SDK1: variants seen among roughly 807,000 people sequenced by gnomAD.
SDK1 encodes sidekick cell adhesion molecule 1.
In SDK1, 157 loss-of-function variants were observed where a neutral mutation model predicts 245.5. That is an observed-to-expected ratio of 0.64 (90% CI 0.56 to 0.73). The LOEUF (loss-of-function observed/expected upper bound fraction) is 0.73, where lower values mean the gene tolerates loss of function less well. SDK1 is among the 30% of genes least tolerant of loss of function. The pLI is 0.00. For missense variants in SDK1, 3,583 were observed against 3,002.3 expected (o/e 1.19, Z -4.52); for synonymous variants, 1,647 against 1,278.5 (o/e 1.29, Z -6.15).
chr7:4,094,476 G>A (rs1321431218), intron 22 of SDK1, among the ~76,000 whole-genome samples: 1 of 152,160 alleles, frequency 6.6e-6, no homozygotes, highest in African/African-American at 2.4e-5. Flanking sequence ...GCTGACATTC[G>A]CTGTGGTCCA....
At chr7:3,412,105 G>C (rs183096340) in intron 1 of SDK1, among the ~76,000 whole-genome samples, 23 of 152,266 alleles carry the variant, frequency 1.5e-4, no homozygotes, top group African/African-American at 3.4e-4. Context: ...CAATTTAGCT[G>C]AAACATTTGA....
chr7:3,475,480 G>A (rs568374703), intron 1 of SDK1, among the ~76,000 whole-genome samples: 6 of 152,280 alleles, frequency 3.9e-5, no homozygotes, highest in South Asian at 4.1e-4. Flanking sequence ...ACTTGATTTC[G>A]CAAAAATCAA....
intron 1 of SDK1, among the ~76,000 whole-genome samples, chr7:3,363,310 T>G (rs1003546669): frequency 2.0e-5 from 3 of 151,096 alleles, no homozygotes; most frequent in Non-Finnish European, 4.4e-5. Context: ...TTCATTTCTT[T>G]TTTATTAAGT....
In SDK1 at chr7:3,826,423, G is replaced by T. The variant is rs150277383; in HGVS notation, c.847+4840G>T. Among the ~76,000 whole-genome samples, 39 of 152,206 alleles carry T rather than the reference G, an allele frequency of 2.6e-4. No individual in the cohort carries two copies. The East Asian group carries it at 6.4e-3, about 25-fold the overall frequency. Reference sequence around the variant, plus strand: ...TTTGGAAAAATTCTTATGACATCTGGTTACAGATAATTGTTTCTTCTTGGC... The same window carrying T: ...TTTGGAAAAATTCTTATGACATCTGTTTACAGATAATTGTTTCTTCTTGGC... On this transcript the variant is annotated intron_variant, in intron 5 of 44. Coordinates refer to ENST00000404826, the MANE Select transcript of SDK1 (RefSeq NM_152744.4).
intron 1 of SDK1, among the ~76,000 whole-genome samples, chr7:3,393,102 C>A (rs895970629): frequency 6.7e-6 from 1 of 150,344 alleles, no homozygotes; most frequent in African/African-American, 2.5e-5. Flanking sequence ...TCCTGAGTAG[C>A]TGAGATTACA....
At chr7:3,314,168 A>G (rs1471875259) in intron 1 of SDK1, among the ~76,000 whole-genome samples, 1 of 151,874 alleles carries the variant, frequency 6.6e-6, no homozygotes, top group East Asian at 1.9e-4. Context: ...GCAGGGATAC[A>G]TATAGGCAAG....
In SDK1 at chr7:3,698,526, G is replaced by A. The variant is rs540642606; in HGVS notation, c.713+56421G>A. On this transcript the variant is annotated intron_variant, in intron 4 of 44. Transcript: ENST00000404826. The stretch of plus-strand genomic sequence containing the variant: ...CTCCTCACTCAGAGCGTCAGTGGAG[G>A]CGTATAAGGAGCAGTCACAGAACCC... Among the ~76,000 whole-genome samples, 11 of 152,270 alleles carry A rather than the reference G, an allele frequency of 7.2e-5. 1 individual carries two copies. Among genetic ancestry groups the A allele is most frequent in the East Asian group, 3.9e-4 (2 of 5,168 alleles).
At chr7:3,508,729 G>A (rs894401947) in intron 1 of SDK1, among the ~76,000 whole-genome samples, 42 of 152,008 alleles carry the variant, frequency 2.8e-4, no homozygotes, top group Non-Finnish European at 1.5e-4. Context: ...TTGACACTTC[G>A]AACCCTAGTA....
chr7:4,048,553 C>A (rs1242876801), intron 17 of SDK1, among the ~76,000 whole-genome samples: 1 of 151,614 alleles, frequency 6.6e-6, no homozygotes, highest in East Asian at 2.0e-4. Flanking sequence ...TTTGCCTTTT[C>A]CCATGGCTCT....
chr7:3,730,086 C>A (rs945070972), intron 4 of SDK1, among the ~76,000 whole-genome samples: 1 of 152,086 alleles, frequency 6.6e-6, no homozygotes, highest in Non-Finnish European at 1.5e-5. Context: ...TGGCCCCTAG[C>A]AGGAAATATT....
chr7:3,964,827 G>A (rs1781974464), intron 9 of SDK1, among the ~76,000 whole-genome samples: 1 of 152,200 alleles, frequency 6.6e-6, no homozygotes, highest in South Asian at 2.1e-4. Context: ...CTGACCAGGT[G>A]TGTAGCAAGC....
At chr7:3,997,514 G>A (rs369160639) in intron 14 of SDK1, among the ~76,000 whole-genome samples, 6 of 151,954 alleles carry the variant, frequency 3.9e-5, no homozygotes, top group Admixed American at 2.6e-4. Context: ...GCGGCTGGTC[G>A]TCCCAGCATC....
At chr7:3,786,004 T>C (rs1450097898) in intron 4 of SDK1, among the ~76,000 whole-genome samples, 1 of 152,234 alleles carries the variant, frequency 6.6e-6, no homozygotes, top group Non-Finnish European at 1.5e-5. Flanking sequence ...GGATTTGTCA[T>C]ATAATGCAGT....
At chr7:3,485,927 T>G (rs1047431815) in intron 1 of SDK1, among the ~76,000 whole-genome samples, 1 of 151,934 alleles carries the variant, frequency 6.6e-6, no homozygotes, top group African/African-American at 2.4e-5. Context: ...TTTTTGAAGA[T>G]TTGAAAAACT....
chr7:3,413,090 CTGGTTA>C (rs1464797617), intron 1 of SDK1, among the ~76,000 whole-genome samples: 1 of 152,040 alleles, frequency 6.6e-6, no homozygotes, highest in East Asian at 1.9e-4. Context: ...AAGGAGTATA[CTGGTTA>C]TGGAAGGCCC....
At chr7:3,983,671 G>C (rs1783594192) in intron 13 of SDK1, among the ~76,000 whole-genome samples, 2 of 152,178 alleles carry the variant, frequency 1.3e-5, no homozygotes, top group African/African-American at 4.8e-5. Flanking sequence ...TCTGAGACAT[G>C]CCTCTCTATC....
chr7:3,491,260 GTTGTA>G (rs1376663830), intron 1 of SDK1, among the ~76,000 whole-genome samples: 1 of 152,214 alleles, frequency 6.6e-6, no homozygotes, highest in Non-Finnish European at 1.5e-5. Context: ...CCTGTGCTGC[GTTGTA>G]TTGTAATCAC....
At chr7:3,585,909 G>T (rs1780672504) in intron 1 of SDK1, among the ~76,000 whole-genome samples, 1 of 152,116 alleles carries the variant, frequency 6.6e-6, no homozygotes, top group South Asian at 2.1e-4. Flanking sequence ...GACATCTCAG[G>T]GCCTCTACCA....
At chr7:4,168,421 A>G (rs994133823) in intron 32 of SDK1, among the ~76,000 whole-genome samples, 4 of 152,208 alleles carry the variant, frequency 2.6e-5, no homozygotes, top group Non-Finnish European at 5.9e-5. Context: ...TAGGCTAGAA[A>G]TATCTGTGAG....
Sources: allele counts gnomAD v4.1 joint callset (sites outside exome capture counted in the v4.1 genomes callset), GRCh38; gene constraint gnomAD v4.1.1; transcripts MANE v1.5; gene names NCBI Gene and HGNC (gene_info 2026-07-23, HGNC 2026-07-21).